Variants in CDKAL1 observed in about 807,000 individuals in gnomAD.
CDKAL1 encodes the protein threonylcarbamoyladenosine tRNA methylthiotransferase.
In CDKAL1, 32 loss-of-function variants were observed where a neutral mutation model predicts 68.2. The ratio of observed to expected loss-of-function variants is 0.47; its 90% CI spans 0.35 to 0.63. CDKAL1 has a LOEUF of 0.63. Ranked by LOEUF, CDKAL1 falls within the 30% of genes least tolerant of loss-of-function variation. CDKAL1 has a pLI of 0.00. For synonymous variants in CDKAL1, 234 were observed against 244.3 expected (o/e 0.96, Z 0.39); for missense variants, 606 against 696.7 (o/e 0.87, Z 1.47).
At chr6:20,747,393 T>C (rs1056116911) in intron 6 of CDKAL1, among the ~76,000 whole-genome samples, 3 of 152,204 alleles carry the variant, frequency 2.0e-5, no homozygotes, top group African/African-American at 4.8e-5. Context: ...TTTTAAGTCT[T>C]TGAGGAATCT....
At chr6:21,179,042 A>T (rs889785375) in intron 13 of CDKAL1, among the ~76,000 whole-genome samples, 15 of 152,250 alleles carry the variant, frequency 9.9e-5, no homozygotes, top group Admixed American at 1.3e-4. Flanking sequence ...CTTATTTTCC[A>T]TTATCCCTGT....
intron 13 of CDKAL1, among the ~76,000 whole-genome samples, chr6:21,116,156 A>G (rs1774398985): frequency 1.3e-5 from 2 of 152,198 alleles, no homozygotes; most frequent in African/African-American, 4.8e-5. Flanking sequence ...TCTAAAAATT[A>G]AGCATGATTT....
intron 8 of CDKAL1, among the ~76,000 whole-genome samples, chr6:20,844,615 C>G (rs550755391): frequency 6.6e-6 from 1 of 151,144 alleles, no homozygotes; most frequent in Admixed American, 6.6e-5. Context: ...TTTGGGAGGC[C>G]GAGAGGGGAG....
chr6:20,984,834 G>A (rs1012137650), intron 10 of CDKAL1, among the ~76,000 whole-genome samples: 10 of 151,312 alleles, frequency 6.6e-5, no homozygotes, highest in African/African-American at 2.4e-4. Flanking sequence ...GGAAGGCTAT[G>A]GGTGGTTTTG....
chr6:20,606,693 G>T (rs1766349663), intron 4 of CDKAL1, among the ~76,000 whole-genome samples: 1 of 152,202 alleles, frequency 6.6e-6, no homozygotes, highest in African/African-American at 2.4e-5. Context: ...GGCTGAACGA[G>T]TTGATCCTAA....
At chr6:20,748,711 A>G (rs1470840244) in intron 6 of CDKAL1, among the ~76,000 whole-genome samples, 1 of 151,862 alleles carries the variant, frequency 6.6e-6, no homozygotes, top group African/African-American at 2.4e-5. Flanking sequence ...CACTCAACTG[A>G]AGTTTTTTCA....
At chr6:20,811,326 T>C (rs1386690486) in intron 8 of CDKAL1, among the ~76,000 whole-genome samples, 2 of 152,216 alleles carry the variant, frequency 1.3e-5, no homozygotes, top group Non-Finnish European at 2.9e-5. Context: ...ATCTTAATTC[T>C]GTTGTTACCA....
rs889676933 is a variant in CDKAL1, at chr6:20,618,088, G to T, written c.287-31205G>T. Among the ~76,000 whole-genome samples the T allele has an allele frequency of 5.9e-5, 9 of 152,262 alleles. No individual in the cohort carries two copies. The South Asian group carries it at 1.7e-3, about 28-fold the overall frequency. On this transcript the variant is annotated intron_variant, in intron 4 of 15. Transcript: ENST00000274695. ...TCCTCTCTGGCATCTGTTGTTTCCTGACTTTTTAATGATCGCCATTCTAAC... is the reference window on the plus strand; with the variant it reads ...TCCTCTCTGGCATCTGTTGTTTCCTTACTTTTTAATGATCGCCATTCTAAC...
intron 9 of CDKAL1, among the ~76,000 whole-genome samples, chr6:20,882,576 T>G (rs1295559388): frequency 6.6e-6 from 1 of 152,214 alleles, no homozygotes; most frequent in Admixed American, 6.5e-5. Context: ...TCTGGCTTCT[T>G]TCATTTAGCA....
chr6:20,816,370 T>C (rs1777048821), intron 8 of CDKAL1, among the ~76,000 whole-genome samples: 1 of 152,182 alleles, frequency 6.6e-6, no homozygotes, highest in Admixed American at 6.5e-5. Flanking sequence ...TCAGTGAATT[T>C]TAGTGTCTGC....
intron 9 of CDKAL1, among the ~76,000 whole-genome samples, chr6:20,863,881 A>T (rs868014272): frequency 6.6e-6 from 1 of 152,240 alleles, no homozygotes. Flanking sequence ...TTTTACATTT[A>T]TATTTGTTCA....
At chr6:20,854,970 T>G (rs1759248408) in intron 9 of CDKAL1, among the ~76,000 whole-genome samples, 1 of 152,228 alleles carries the variant, frequency 6.6e-6, no homozygotes, top group Non-Finnish European at 1.5e-5. Flanking sequence ...CAGTTTTGAC[T>G]CTTAGCTTCT....
intron 4 of CDKAL1, among the ~76,000 whole-genome samples, chr6:20,555,779 C>T (rs530091258): frequency 0.013 from 1,972 of 151,704 alleles, 19 homozygotes; most frequent in South Asian, 0.025. Flanking sequence ...CCCGCCACCA[C>T]GCCCGGCTAA....
intron 12 of CDKAL1, among the ~76,000 whole-genome samples, chr6:21,083,370 G>A (rs1772515684): frequency 1.3e-5 from 2 of 152,090 alleles, no homozygotes; most frequent in South Asian, 4.1e-4. Context: ...AATTAGGGAT[G>A]CTCAACCTGT....
rs537325988 is a variant in CDKAL1, at chr6:20,985,003, C to T, written c.910-15224C>T. On this transcript the variant is annotated intron_variant, in intron 10 of 15. Coordinates refer to ENST00000274695, the MANE Select transcript of CDKAL1 (RefSeq NM_017774.3). ...CACTACTACTGTATCACTAATAGTG[C>T]CGTAATTTGGAATGGGCTAGGGAGC... 2.6e-4 allele frequency among the ~76,000 whole-genome samples: 40 copies of T among 152,214 alleles called. 1 individual carries two copies. The South Asian group carries it at 7.7e-3, about 29-fold the overall frequency.
chr6:20,831,437 G>T (rs1017557742), intron 8 of CDKAL1, among the ~76,000 whole-genome samples: 1 of 152,048 alleles, frequency 6.6e-6, no homozygotes, highest in Non-Finnish European at 1.5e-5. Context: ...GAGAAGAATT[G>T]GGCCCTTTCT....
chr6:20,788,008 T>C (rs1775746740), intron 8 of CDKAL1, among the ~76,000 whole-genome samples: 1 of 152,254 alleles, frequency 6.6e-6, no homozygotes, highest in Non-Finnish European at 1.5e-5. Context: ...CTACTTATCT[T>C]GAGTGTCCCT....
At chr6:21,117,559 C>T (rs2151003655) in intron 13 of CDKAL1, among the ~76,000 whole-genome samples, 1 of 152,128 alleles carries the variant, frequency 6.6e-6, no homozygotes, top group South Asian at 2.1e-4. Context: ...ATTGCTTAAC[C>T]CCAGGAGCTG....
intron 9 of CDKAL1, among the ~76,000 whole-genome samples, chr6:20,939,503 T>A (rs6939250): frequency 0.021 from 3,163 of 152,278 alleles, 115 homozygotes; most frequent in African/African-American, 0.072. Flanking sequence ...TAGAAGAGAT[T>A]TGGCAGACTT....
Sources: allele counts gnomAD v4.1 joint callset (sites outside exome capture counted in the v4.1 genomes callset), GRCh38; gene constraint gnomAD v4.1.1; transcripts MANE v1.5; gene names NCBI Gene and HGNC (gene_info 2026-07-23, HGNC 2026-07-21).